TRIM55: variants seen among roughly 807,000 people sequenced by gnomAD.
The protein encoded by TRIM55 is tripartite motif-containing protein 55.
In TRIM55, 50 loss-of-function variants were observed where a neutral mutation model predicts 60.9. That is an observed-to-expected ratio of 0.82 (90% CI 0.65 to 1.04). The LOEUF is 1.04. Among genes scored for constraint, TRIM55 ranks in the 50% least tolerant of loss-of-function variants. TRIM55 has a pLI of 0.00. For missense variants in TRIM55, 681 were observed against 666.9 expected, an observed-to-expected ratio of 1.02 and a Z score of -0.23; for synonymous variants, 237 against 238.1, an observed-to-expected ratio of 1.00 and a Z score of 0.04.
Position 66,127,187 on chromosome 8 carries a change from C to A in TRIM55, c.-82C>A, listed in dbSNP as rs115537250. 5,204 of 1,387,548 alleles carry A rather than the reference C, an allele frequency of 3.8e-3. 96 individuals carry two copies. The African/African-American group carries it at 0.04, about 11-fold the overall frequency. The allele number at this position is 1,387,548 out of a possible 1,614,324, so 86.0% of individuals were successfully genotyped here. A position where few individuals can be genotyped will look rare whatever the true frequency, so the allele number is the denominator to read the frequency against. ...CGTAAAGGACACTTGATCACACAATCCCTGGAATAATATCCAGGAAACACT... is the reference window on the plus strand; with the variant it reads ...CGTAAAGGACACTTGATCACACAATACCTGGAATAATATCCAGGAAACACT... On this transcript the variant is annotated 5_prime_UTR_variant, in exon 1 of 10. Transcript: ENST00000315962.
intron 3 of TRIM55, among the ~76,000 whole-genome samples, chr8:66,136,607 C>G (rs552721060): frequency 5.3e-5 from 8 of 152,256 alleles, no homozygotes; most frequent in African/African-American, 1.9e-4. Flanking sequence ...GACATTTCTC[C>G]CCTAGAACTA....
At chr8:66,120,344 T>A in the TRIM55 span, among the ~76,000 whole-genome samples, 1 of 152,214 alleles carries the variant, frequency 6.6e-6, no homozygotes, top group East Asian at 1.9e-4. Context: ...ATTTCCCGAG[T>A]GACAGACATG....
chr8:66,154,193 A>T lies in TRIM55; in HGVS notation c.1383A>T (p.Pro461=). 1 of 1,614,070 alleles carries T rather than the reference A, an allele frequency of 6.2e-7. No individual in the cohort carries two copies. Among genetic ancestry groups the T allele is most frequent in the Non-Finnish European group, 8.5e-7 (1 of 1,180,000 alleles). ...RKATTNPPCT[P]GSEGLGQIGP... Reference sequence around the variant, plus strand: ...CCACCACCAACCCACCTTGCACCCCAGGGAGCGAAGGTCTGGGGCAAATAG... The same window carrying T: ...CCACCACCAACCCACCTTGCACCCCTGGGAGCGAAGGTCTGGGGCAAATAG... The change falls in exon 9 of 10, where the codon CCA becomes CCT. Residue 461 remains proline (P), a synonymous_variant. Transcript: ENST00000315962.
chr8:66,168,607 G>A (rs939527693), intron 9 of TRIM55, among the ~76,000 whole-genome samples: 2 of 152,202 alleles, frequency 1.3e-5, no homozygotes, highest in Non-Finnish European at 2.9e-5. Flanking sequence ...TAAGGCAAAG[G>A]CATTTCATGA....
chr8:66,143,829 A>G (rs1351845228), intron 4 of TRIM55, among the ~76,000 whole-genome samples: 1 of 152,346 alleles, frequency 6.6e-6, no homozygotes, highest in Admixed American at 6.5e-5. Context: ...TTCTGTTCAC[A>G]GGCATTTTTT....
chr8:66,116,431 A>T, the TRIM55 span, among the ~76,000 whole-genome samples: 1 of 151,986 alleles, frequency 6.6e-6, no homozygotes, highest in South Asian at 2.1e-4. Flanking sequence ...ACATGGTGAA[A>T]CCCTGTCTCT....
chr8:66,124,743 T>C (rs906218615), upstream of TRIM55, among the ~76,000 whole-genome samples: 1 of 152,258 alleles, frequency 6.6e-6, no homozygotes, highest in African/African-American at 2.4e-5. Flanking sequence ...ATTTAAACGC[T>C]ACATACCTCC....
chr8:66,128,262 G>T (rs768900297), intron 1 of TRIM55, 42 bp from the exon 2 acceptor site: 4 of 1,525,962 alleles, frequency 2.6e-6, no homozygotes, highest in Non-Finnish European at 3.5e-6. Context: ...GAAGCTGCTT[G>T]TGGCATTACC....
At chr8:66,173,716 C>T (rs989196874) in intron 9 of TRIM55, among the ~76,000 whole-genome samples, 1 of 152,142 alleles carries the variant, frequency 6.6e-6, no homozygotes, top group Non-Finnish European at 1.5e-5. Flanking sequence ...TCCTGATTGT[C>T]CCTCATTCCA....
At position 66,128,536 on chromosome 8, in the gene TRIM55, G is replaced by A. The variant is rs1808960682; in HGVS notation, c.341+60G>A. On this transcript the variant is annotated intron_variant, in intron 2 of 9. Transcript: ENST00000315962. The stretch of plus-strand genomic sequence containing the variant: ...ATCTGAAACTTGTTTTTGTTTGTTT[G>A]TTTTAATGGGTTGCTACGCTGAATG... 5.2e-5 allele frequency: 79 copies of A among 1,532,294 alleles called. No individual in the cohort carries two copies. The South Asian group carries it at 8.9e-4, about 17-fold the overall frequency. The allele number at this position is 1,532,294 out of a possible 1,614,324, so 94.9% of individuals were successfully genotyped here. A position where few individuals can be genotyped will look rare whatever the true frequency, so the allele number is the denominator to read the frequency against.
At chr8:66,129,494 A>G (rs1809020668) in intron 2 of TRIM55, among the ~76,000 whole-genome samples, 1 of 152,208 alleles carries the variant, frequency 6.6e-6, no homozygotes, top group South Asian at 2.1e-4. Flanking sequence ...TATTATAGCT[A>G]TTAATTTCCG....
At chr8:66,155,141 A>G (rs1212842487) in intron 9 of TRIM55, among the ~76,000 whole-genome samples, 1 of 152,242 alleles carries the variant, frequency 6.6e-6, no homozygotes, top group Non-Finnish European at 1.5e-5. Flanking sequence ...AGAAGCTGCC[A>G]GAAAGCACTC....
chr8:66,124,540 G>A (rs1808749616), upstream of TRIM55, among the ~76,000 whole-genome samples: 4 of 152,120 alleles, frequency 2.6e-5, no homozygotes, highest in South Asian at 8.3e-4. Context: ...GAGATCCTCG[G>A]TGCAGCAGTT....
intron 2 of TRIM55, among the ~76,000 whole-genome samples, chr8:66,131,360 CT>C (rs1196700362): frequency 1.3e-5 from 2 of 152,204 alleles, no homozygotes; most frequent in African/African-American, 4.8e-5. Flanking sequence ...GAGTCAACCA[CT>C]TTTAATTCTT....
At position 66,137,079 on chromosome 8, in the gene TRIM55, G is replaced by T. The variant is rs745435528; in HGVS notation, c.508-16G>T. The T allele has an allele frequency of 6.2e-6, 10 of 1,611,804 alleles. No individual in the cohort carries two copies. Among genetic ancestry groups the T allele is most frequent in the Non-Finnish European group, 7.6e-6 (9 of 1,178,228 alleles). On this transcript the variant is annotated splice_polypyrimidine_tract_variant and intron_variant, in intron 3 of 9. Transcript: ENST00000315962. ...GAAACCCCTAAGATATTGGGTTCAT[G>T]TTTTCTCTTCATTAGTCTGAGCTCA... is the stretch of plus-strand genomic sequence containing the variant.
At chr8:66,139,279 G>C (rs1809665500) in intron 4 of TRIM55, among the ~76,000 whole-genome samples, 1 of 152,202 alleles carries the variant, frequency 6.6e-6, no homozygotes. Flanking sequence ...GGAGATGTCT[G>C]TTGGAAGGAA....
chr8:66,133,018 C>G (rs956362080), intron 2 of TRIM55, among the ~76,000 whole-genome samples: 3 of 152,214 alleles, frequency 2.0e-5, no homozygotes, highest in Admixed American at 6.5e-5. Context: ...ATGTGGGACC[C>G]AAGCTGCCCA....
the TRIM55 span, among the ~76,000 whole-genome samples, chr8:66,114,218 G>A: frequency 6.6e-6 from 1 of 152,052 alleles, no homozygotes; most frequent in Non-Finnish European, 1.5e-5. Flanking sequence ...TAGAGCGCTC[G>A]CTTAGCATGC....
At chr8:66,114,255 T>A in the TRIM55 span, among the ~76,000 whole-genome samples, 1 of 152,116 alleles carries the variant, frequency 6.6e-6, no homozygotes, top group Non-Finnish European at 1.5e-5. Context: ...GATGCCCGCA[T>A]CCTCCAGTTT....
Sources: allele counts gnomAD v4.1 joint callset (sites outside exome capture counted in the v4.1 genomes callset), GRCh38; gene constraint gnomAD v4.1.1; transcripts MANE v1.5; gene names NCBI Gene and HGNC (gene_info 2026-07-23, HGNC 2026-07-21).